HS3ST4: variants seen among roughly 807,000 people sequenced by gnomAD.
HS3ST4 encodes heparan sulfate glucosamine 3-O-sulfotransferase 4.
A neutral mutation model predicts 29.2 loss-of-function variants in HS3ST4; 17 were observed. The ratio of observed to expected loss-of-function variants is 0.58; its 90% confidence interval spans 0.40 to 0.87. HS3ST4 has a LOEUF of 0.87. HS3ST4 is among the 40% of genes least tolerant of loss of function. HS3ST4 has a pLI of 0.00. For synonymous variants in HS3ST4, 314 were observed against 285.7 expected, an observed-to-expected ratio of 1.10 and a Z score of -1.00; for missense variants, 627 against 634.5, an observed-to-expected ratio of 0.99 and a Z score of 0.13.
chr16:25,928,128 C>T lies in HS3ST4; in HGVS notation c.735-207484C>T, dbSNP rs78081390. ...GGAGGATTGCTTGCACCTGGATGTT[C>T]GAGGCTGCAATAAGCTATGATCACG... On this transcript the variant is annotated intron_variant, in intron 1 of 1. Coordinates refer to ENST00000331351, the MANE Select transcript of HS3ST4 (RefSeq NM_006040.3). Among the ~76,000 whole-genome samples, 28 of 147,780 alleles carry T rather than the reference C, an allele frequency of 1.9e-4. No homozygotes were observed. In the East Asian group the frequency reaches 4.2e-3, roughly 22 times the overall value.
chr16:25,879,222 C>G (rs1967867628), intron 1 of HS3ST4, among the ~76,000 whole-genome samples: 2 of 152,134 alleles, frequency 1.3e-5, no homozygotes, highest in Admixed American at 1.3e-4. Context: ...ATATTCATAG[C>G]TATAATTGCT....
intron 1 of HS3ST4, among the ~76,000 whole-genome samples, chr16:25,896,035 G>A (rs1472059330): frequency 6.6e-6 from 1 of 152,138 alleles, no homozygotes; most frequent in Non-Finnish European, 1.5e-5. Context: ...TGCTGGGCTA[G>A]GCTCCACATC....
At chr16:25,829,972 C>A (rs997656588) in intron 1 of HS3ST4, among the ~76,000 whole-genome samples, 1 of 152,052 alleles carries the variant, frequency 6.6e-6, no homozygotes, top group African/African-American at 2.4e-5. Context: ...TACAGGCACA[C>A]ACCACCACGC....
chr16:26,032,482 T>C, intron 1 of HS3ST4: 1 of 1,077,704 alleles, frequency 9.3e-7, no homozygotes, highest in Non-Finnish European at 1.4e-6. Flanking sequence ...TGATAAAAAA[T>C]AGTATTCCAA....
intron 1 of HS3ST4, among the ~76,000 whole-genome samples, chr16:25,985,395 A>G (rs1020628002): frequency 3.3e-5 from 5 of 152,008 alleles, no homozygotes; most frequent in African/African-American, 1.2e-4. Context: ...GAGTGAGTCC[A>G]GTGAAGTGGT....
At chr16:25,890,365 C>T (rs1179259042) in intron 1 of HS3ST4, among the ~76,000 whole-genome samples, 1 of 152,164 alleles carries the variant, frequency 6.6e-6, no homozygotes, top group African/African-American at 2.4e-5. Flanking sequence ...GGGTAAGGAC[C>T]CAGATGACTT....
chr16:25,968,813 G>GT (rs1273626249), intron 1 of HS3ST4, among the ~76,000 whole-genome samples: 4 of 152,064 alleles, frequency 2.6e-5, no homozygotes, highest in Non-Finnish European at 5.9e-5. Context: ...ATTTTTGTTT[G>GT]TTTGTTTTGT....
intron 1 of HS3ST4, among the ~76,000 whole-genome samples, chr16:25,918,422 T>C (rs1342271508): frequency 6.6e-6 from 1 of 152,140 alleles, no homozygotes; most frequent in East Asian, 1.9e-4. Flanking sequence ...ATGTATGCAG[T>C]TTACAGCCTA....
chr16:26,050,971 G>A (rs529596570), intron 1 of HS3ST4, among the ~76,000 whole-genome samples: 1 of 152,224 alleles, frequency 6.6e-6, no homozygotes, highest in East Asian at 1.9e-4. Context: ...CCTGGAGCTG[G>A]AATGGAGGGA....
At chr16:25,789,742 G>A (rs1966864886) in intron 1 of HS3ST4, among the ~76,000 whole-genome samples, 1 of 152,030 alleles carries the variant, frequency 6.6e-6, no homozygotes, top group African/African-American at 2.4e-5. Context: ...GCTCCTCATA[G>A]TCACTACTCT....
chr16:25,943,802 A>C (rs1194341259), intron 1 of HS3ST4, among the ~76,000 whole-genome samples: 1 of 152,060 alleles, frequency 6.6e-6, no homozygotes, highest in African/African-American at 2.4e-5. Flanking sequence ...CCTCACAACA[A>C]CGTGGTGAGA....
intron 1 of HS3ST4, among the ~76,000 whole-genome samples, chr16:25,724,404 C>T (rs548019975): frequency 6.7e-6 from 1 of 149,744 alleles, no homozygotes; most frequent in East Asian, 2.0e-4. Flanking sequence ...TGCTCTGTCA[C>T]CCAAGCTGGA....
chr16:26,119,499 A>G (rs183398666), intron 1 of HS3ST4, among the ~76,000 whole-genome samples: 3 of 152,178 alleles, frequency 2.0e-5, no homozygotes, highest in African/African-American at 7.2e-5. Context: ...TTTTAGACTG[A>G]GCAATTGAGT....
At chr16:25,947,629 C>T (rs949192189) in intron 1 of HS3ST4, among the ~76,000 whole-genome samples, 2 of 152,138 alleles carry the variant, frequency 1.3e-5, no homozygotes, top group African/African-American at 4.8e-5. Context: ...CTCATGTCAT[C>T]TTTGTCAGCA....
chr16:26,028,041 G>A (rs1969492699), intron 1 of HS3ST4, among the ~76,000 whole-genome samples: 1 of 152,162 alleles, frequency 6.6e-6, no homozygotes, highest in African/African-American at 2.4e-5. Context: ...GGGAGGCCGA[G>A]GTGGGTGGAT....
At chr16:26,015,493 G>A (rs906441219) in intron 1 of HS3ST4, among the ~76,000 whole-genome samples, 3 of 152,078 alleles carry the variant, frequency 2.0e-5, no homozygotes, top group African/African-American at 4.8e-5. Context: ...GTTTTTATTG[G>A]GACTTTTATT....
chr16:26,073,581 C>G (rs1463707905), intron 1 of HS3ST4, among the ~76,000 whole-genome samples: 1 of 152,168 alleles, frequency 6.6e-6, no homozygotes, highest in Non-Finnish European at 1.5e-5. Context: ...CTATGTTGCC[C>G]AAGCTGGTCT....
rs149010570 is a variant in HS3ST4, at chr16:25,958,400, C to A, written c.735-177212C>A. ...AGGCTGGAGTGCAGTGGTGTGATCT[C>A]GGCTCACTGCAACCTCTGCCTCCTG... is the stretch of plus-strand genomic sequence containing the variant. On this transcript the variant is annotated intron_variant, in intron 1 of 1. Transcript: ENST00000331351. Among the ~76,000 whole-genome samples the A allele has an allele frequency of 1.5e-4, 22 of 151,690 alleles. No homozygotes were observed. The East Asian group carries it at 4.3e-3, about 30-fold the overall frequency.
rs575015523 is a variant in HS3ST4, at chr16:25,837,032, G to C, written c.734+143881G>C. 2.6e-5 allele frequency among the ~76,000 whole-genome samples: 4 copies of C among 152,294 alleles called. No individual in the cohort carries two copies. In the East Asian group the frequency reaches 5.8e-4, roughly 22 times the overall value. On this transcript the variant is annotated intron_variant, in intron 1 of 1. Coordinates refer to ENST00000331351, the MANE Select transcript of HS3ST4 (RefSeq NM_006040.3). ...CTCATTTTGTCCCCAGATCTTTCCA[G>C]GTCAGTATGGGTTGAGACCAGTCAT...
Sources: allele counts gnomAD v4.1 joint callset (sites outside exome capture counted in the v4.1 genomes callset), GRCh38; gene constraint gnomAD v4.1.1; transcripts MANE v1.5; gene names NCBI Gene and HGNC (gene_info 2026-07-23, HGNC 2026-07-21).